The following DYNC1H1 variants were observed in gnomAD, a reference collection of about 807,000 sequenced individuals.
DYNC1H1 encodes dynein cytoplasmic 1 heavy chain 1.
Under a neutral mutation model 527.1 loss-of-function variants are expected in DYNC1H1, and 51 were observed. The ratio of observed to expected loss-of-function variants is 0.10; its 90% CI spans 0.08 to 0.12. DYNC1H1 has a LOEUF of 0.12. DYNC1H1 is among the 10% of genes least tolerant of loss of function. The pLI, the probability that DYNC1H1 is intolerant of heterozygous loss-of-function variation, is 1.00. For missense variants in DYNC1H1, 2,771 were observed against 5,971.8 expected (o/e 0.46, Z 17.66); for synonymous variants, 2,189 against 2,278.8 (o/e 0.96, Z 1.12).
At position 102,055,390 on chromosome 14, in the gene DYNC1H1, G is replaced by T. The variant is rs951223417; in HGVS notation, c.*4827G>T. ...GAGACACGCGAGGCACGGGTGGGGCGATGAGACAGGATCGGCCGGTCCTTG... is the reference window on the plus strand; with the variant it reads ...GAGACACGCGAGGCACGGGTGGGGCTATGAGACAGGATCGGCCGGTCCTTG... On this transcript the variant is annotated 3_prime_UTR_variant, in exon 78 of 78. Coordinates refer to ENST00000360184, the MANE Select transcript of DYNC1H1 (RefSeq NM_001376.5). 6.6e-6 allele frequency: 1 copy of T among 152,170 alleles called. No homozygotes were observed. Among genetic ancestry groups the T allele is most frequent in the African/African-American group, 2.4e-5 (1 of 41,380 alleles). The allele number at this position is 152,170 out of a possible 1,614,324, so 9.4% of individuals were successfully genotyped here.
chr14:101,964,702 C>CCGGGGG lies in DYNC1H1; in HGVS notation c.15_20dup (p.Gly8_Gly9dup). The CCGGGGG allele has an allele frequency of 2.5e-6, 4 of 1,593,772 alleles. No homozygotes were observed. The highest frequency in any genetic ancestry group is 3.4e-6 in the Non-Finnish European group (4 of 1,175,022). On this transcript the variant is annotated inframe_insertion, in exon 1 of 78. Transcript: ENST00000360184. The surrounding 1 kb of genome is among the most constrained non-coding windows in gnomAD (Gnocchi z 5.5). ...CCCGAGCGCGACACCATGTCGGAGC[C>CCGGGGG]CGGGGGCGGCGGCGGCGAGGACGGC...
Position 101,986,732 on chromosome 14 carries a change from T to C in DYNC1H1, c.2507T>C (p.Leu836Ser). ...SYKLDPYVQRLAETVFNFQEK... is the reference protein window; with the variant it reads ...SYKLDPYVQRSAETVFNFQEK... The stretch of plus-strand genomic sequence containing the variant: ...AAACTTGACCCATATGTACAGCGCT[T>C]AGCAGAGACTGTCTTCAACTTCCAA... Residue 836 changes from leucine (L) to serine (S), a missense_variant, in exon 8 of 78, where the codon TTA becomes TCA. By Grantham distance (145) the Leu-to-Ser change is moderately radical. Coordinates refer to ENST00000360184, the MANE Select transcript of DYNC1H1 (RefSeq NM_001376.5). The surrounding 1 kb of genome is among the most constrained non-coding windows in gnomAD (Gnocchi z 8.7). The C allele has an allele frequency of 6.2e-7, 1 of 1,613,404 alleles. No individual in the cohort carries two copies. The highest frequency in any genetic ancestry group is 8.5e-7 in the Non-Finnish European group (1 of 1,179,352).
rs772077417 is a variant in DYNC1H1, at chr14:102,033,004, A to T, written c.10080-61A>T. On this transcript the variant is annotated intron_variant, in intron 52 of 77. Transcript: ENST00000360184. This position sits in a 1 kb window ranked among gnomAD's most constrained non-coding sequence, Gnocchi z 5.6. ...CTCTGGTCTCTTCCATTTTAATTTTATGAAAACTCTTCCTTGCTTTTGTCC... is the reference window on the plus strand; with the variant it reads ...CTCTGGTCTCTTCCATTTTAATTTTTTGAAAACTCTTCCTTGCTTTTGTCC... 65 of 1,549,626 alleles carry T rather than the reference A, an allele frequency of 4.2e-5. No individual in the cohort carries two copies. Among genetic ancestry groups the T allele is most frequent in the Middle Eastern group, 1.7e-4 (1 of 5,946 alleles).
intron 2 of DYNC1H1, among the ~76,000 whole-genome samples, chr14:101,976,766 T>C (rs1396395746): frequency 6.6e-6 from 1 of 152,200 alleles, no homozygotes; most frequent in Non-Finnish European, 1.5e-5. Flanking sequence ...GCCCTCGATA[T>C]CTGTGGTTCC....
intron 28 of DYNC1H1, 36 bp from the exon 29 acceptor site, chr14:102,008,142 A>G: frequency 1.9e-6 from 3 of 1,612,232 alleles, no homozygotes; most frequent in Non-Finnish European, 2.5e-6. Context: ...AGGGCACAGC[A>G]GGTGGTTTTA....
chr14:102,042,532 G>T lies in DYNC1H1; in HGVS notation c.12399+25G>T. ...GGTGGGTGGTTGAAGGAGTGGAGAC[G>T]TTGCAGGCTGGCCTGGCACTGTGCT... is the stretch of plus-strand genomic sequence containing the variant. On this transcript the variant is annotated intron_variant, in intron 68 of 77. Transcript: ENST00000360184. The surrounding 1 kb of genome is among the most constrained non-coding windows in gnomAD (Gnocchi z 5.7). 1.2e-6 allele frequency: 2 copies of T among 1,614,050 alleles called. No individual in the cohort carries two copies. Among genetic ancestry groups the T allele is most frequent in the Non-Finnish European group, 1.7e-6 (2 of 1,179,972 alleles).
At position 102,004,843 on chromosome 14, in the gene DYNC1H1, G is replaced by A. The variant is rs1595611251; in HGVS notation, c.5131G>A (p.Val1711Ile). The change falls in exon 25 of 78, where the codon GTC (valine) becomes ATC (isoleucine). Residue 1711 changes from valine (V) to isoleucine (I), a missense_variant. Val to Ile is a conservative substitution (Grantham distance 29, BLOSUM62 3). Transcript: ENST00000360184. ...CACATTGGTAGAAAAGGAGATGAGA[G>A]TCACCCTGGCCAAACTGCTTGCTGA... The part of the protein sequence containing the change: ...WLTLVEKEMR[V>I]TLAKLLAESV... 1 of 1,614,198 alleles carries A rather than the reference G, an allele frequency of 6.2e-7. No homozygotes were observed. The highest frequency in any genetic ancestry group is 2.2e-5 in the East Asian group (1 of 44,886).
In DYNC1H1 at chr14:102,055,379, A is replaced by G. The variant is rs1431342484; in HGVS notation, c.*4816A>G. The G allele has an allele frequency of 6.6e-6, 1 of 151,896 alleles. No homozygotes were observed. The highest frequency in any genetic ancestry group is 2.4e-5 in the African/African-American group (1 of 41,274). The allele number at this position is 151,896 out of a possible 1,614,324, so 9.4% of individuals were successfully genotyped here. A position where few individuals can be genotyped will look rare whatever the true frequency, so the allele number is the denominator to read the frequency against. ...CCTCTTTGAGGGAGACACGCGAGGC[A>G]CGGGTGGGGCGATGAGACAGGATCG... On this transcript the variant is annotated 3_prime_UTR_variant, in exon 78 of 78. Transcript: ENST00000360184.
In DYNC1H1 at chr14:102,033,586, G is replaced by A. The variant is rs111633259; in HGVS notation, c.10413+102G>A. The A allele has an allele frequency of 5.5e-6, 8 of 1,465,810 alleles. No homozygotes were observed. The highest frequency in any genetic ancestry group is 1.2e-5 in the South Asian group (1 of 83,392). 90.8% of individuals were successfully genotyped at this position (1,465,810 alleles called of 1,614,324 possible). A position where few individuals can be genotyped will look rare whatever the true frequency, so the allele number is the denominator to read the frequency against. On this transcript the variant is annotated intron_variant, in intron 54 of 77. Transcript: ENST00000360184. This position sits in a 1 kb window ranked among gnomAD's most constrained non-coding sequence, Gnocchi z 5.6. ...GCACCATGCTGGCCTCGGTGAATTCGCTCTTTAACATCTGTAAGGCCCCGG... is the reference window on the plus strand; with the variant it reads ...GCACCATGCTGGCCTCGGTGAATTCACTCTTTAACATCTGTAAGGCCCCGG...
At position 102,012,738 on chromosome 14, in the gene DYNC1H1, A is replaced by G; in HGVS notation, c.7014+268A>G. The G allele has an allele frequency of 2.0e-6, 1 of 500,388 alleles. No homozygotes were observed. Among genetic ancestry groups the G allele is most frequent in the South Asian group, 2.1e-5 (1 of 48,040 alleles). The allele number at this position is 500,388 out of a possible 1,614,324, so 31.0% of individuals were successfully genotyped here. ...CTCTATGATTATCAGTTAACCCTGTATGGTGGGGTTGTCGTTAAGGTTTCT... is the reference window on the plus strand; with the variant it reads ...CTCTATGATTATCAGTTAACCCTGTGTGGTGGGGTTGTCGTTAAGGTTTCT... On this transcript the variant is annotated intron_variant, in intron 34 of 77. Coordinates refer to ENST00000360184, the MANE Select transcript of DYNC1H1 (RefSeq NM_001376.5). The surrounding 1 kb of genome is among the most constrained non-coding windows in gnomAD (Gnocchi z 4.9).
In DYNC1H1 at chr14:102,044,509, G is replaced by C. The variant is rs770358236; in HGVS notation, c.12902+18G>C. The C allele has an allele frequency of 1.5e-5, 24 of 1,614,176 alleles. No individual in the cohort carries two copies. Among genetic ancestry groups the C allele is most frequent in the Non-Finnish European group, 1.9e-5 (23 of 1,180,034 alleles). Reference sequence around the variant, plus strand: ...GGCATCAGGTATGCTGCTGCCTGCTGGAATGGAGACAGTTGTGATGTCAGG... The same window carrying C: ...GGCATCAGGTATGCTGCTGCCTGCTCGAATGGAGACAGTTGTGATGTCAGG... On this transcript the variant is annotated intron_variant, in intron 71 of 77. Coordinates refer to ENST00000360184, the MANE Select transcript of DYNC1H1 (RefSeq NM_001376.5). This position sits in a 1 kb window ranked among gnomAD's most constrained non-coding sequence, Gnocchi z 7.1.
In DYNC1H1 at chr14:102,010,435, T is replaced by C. The variant is rs759525537; in HGVS notation, c.6381T>C (p.Ile2127=). 80 of 1,613,946 alleles carry C rather than the reference T, an allele frequency of 5.0e-5. No individual in the cohort carries two copies. The highest frequency in any genetic ancestry group is 6.5e-5 in the Non-Finnish European group (77 of 1,179,980). Residue 2127 remains isoleucine (I), a synonymous_variant, in exon 31 of 78, where the codon ATT becomes ATC. Transcript: ENST00000360184. This position sits in a 1 kb window ranked among gnomAD's most constrained non-coding sequence, Gnocchi z 6.0. ...ERGEAVDEGE[I]AENLPEQEIL... Reference sequence around the variant, plus strand: ...GGGAAGCAGTTGATGAAGGAGAAATTGCTGAAAATCTCCCTGAACAAGAGG... The same window carrying C: ...GGGAAGCAGTTGATGAAGGAGAAATCGCTGAAAATCTCCCTGAACAAGAGG...
In DYNC1H1 at chr14:102,010,473, G is replaced by A. The variant is rs767581954; in HGVS notation, c.6405+14G>A. On this transcript the variant is annotated intron_variant, in intron 31 of 77. Coordinates refer to ENST00000360184, the MANE Select transcript of DYNC1H1 (RefSeq NM_001376.5). This position sits in a 1 kb window ranked among gnomAD's most constrained non-coding sequence, Gnocchi z 6.0. Reference sequence around the variant, plus strand: ...CCTGAACAAGAGGTTCGTTACAAACGTTTTGATCACTCAAACCTTATACGT... The same window carrying A: ...CCTGAACAAGAGGTTCGTTACAAACATTTTGATCACTCAAACCTTATACGT... 9 of 1,613,456 alleles carry A rather than the reference G, an allele frequency of 5.6e-6. No individual in the cohort carries two copies. The highest frequency in any genetic ancestry group is 4.4e-5 in the South Asian group (4 of 91,048).
intron 1 of DYNC1H1, among the ~76,000 whole-genome samples, chr14:101,971,916 G>T (rs2047743193): frequency 6.6e-6 from 1 of 152,320 alleles, no homozygotes; most frequent in South Asian, 2.1e-4. Flanking sequence ...ACAAGTTGTT[G>T]TAATGTGTGT....
Position 102,029,105 on chromosome 14 carries a change from G to A in DYNC1H1, c.9469-434G>A, listed in dbSNP as rs886069625. 3.7e-5 allele frequency: 9 copies of A among 246,158 alleles called. No individual in the cohort carries two copies. Among genetic ancestry groups the A allele is most frequent in the Admixed American group, 1.5e-4 (3 of 19,378 alleles). The allele number at this position is 246,158 out of a possible 1,614,324, so 15.2% of individuals were successfully genotyped here. ...CCATCTCCATTGCCCTTGGAATGTC[G>A]TCCAGCCCTGGCTTCCCCTGGTAGT... On this transcript the variant is annotated intron_variant, in intron 48 of 77. Coordinates refer to ENST00000360184, the MANE Select transcript of DYNC1H1 (RefSeq NM_001376.5). The surrounding 1 kb of genome is among the most constrained non-coding windows in gnomAD (Gnocchi z 5.3).
intron 48 of DYNC1H1, chr14:102,028,374 G>C (rs2048474118): frequency 6.6e-6 from 3 of 453,888 alleles, no homozygotes; most frequent in South Asian, 4.0e-5. Flanking sequence ...AATTAGCCGG[G>C]CATGGTGGTG....
intron 34 of DYNC1H1, among the ~76,000 whole-genome samples, chr14:102,013,248 CAAA>C (rs57229386): frequency 4.8e-5 from 2 of 41,312 alleles, no homozygotes; most frequent in Non-Finnish European, 9.3e-5. Context: ...GACTCCGTCT[CAAA>C]AAAAAAAAAA....
At position 102,055,966 on chromosome 14, in the gene DYNC1H1, A is replaced by G. The variant is rs1179152746; in HGVS notation, c.*5403A>G. 6.6e-6 allele frequency: 1 copy of G among 152,368 alleles called. No homozygotes were observed. Among genetic ancestry groups the G allele is most frequent in the East Asian group, 1.9e-4 (1 of 5,188 alleles). 9.4% of individuals were successfully genotyped at this position (152,368 alleles called of 1,614,324 possible). Reference sequence around the variant, plus strand: ...ACAGGTCTCAGTTAATTTAGAAAAGATATTTGTCAAGGTTGAGGACGCGCA... The same window carrying G: ...ACAGGTCTCAGTTAATTTAGAAAAGGTATTTGTCAAGGTTGAGGACGCGCA... On this transcript the variant is annotated 3_prime_UTR_variant, in exon 78 of 78. Transcript: ENST00000360184.
chr14:102,013,998 T>G (rs2048291023), intron 34 of DYNC1H1, among the ~76,000 whole-genome samples: 1 of 152,190 alleles, frequency 6.6e-6, no homozygotes, highest in Non-Finnish European at 1.5e-5. Flanking sequence ...AGGATTGGTA[T>G]TTATCTCAGC....
Sources: allele counts gnomAD v4.1 joint callset (sites outside exome capture counted in the v4.1 genomes callset), GRCh38; gene constraint gnomAD v4.1.1; non-coding constraint Gnocchi (gnomAD v3.1); transcripts MANE v1.5; gene names NCBI Gene and HGNC (gene_info 2026-07-23, HGNC 2026-07-21).